Variants in ADGRL3 observed in about 807,000 individuals in gnomAD.
ADGRL3 encodes calcium-independent alpha-latrotoxin receptor 3.
ADGRL3 carries 62 observed loss-of-function variants against 153.5 expected under a neutral mutation model. The observed-to-expected ratio is 0.40, with a 90% confidence interval of 0.33 to 0.50. The LOEUF (loss-of-function observed/expected upper bound fraction) is 0.50, where lower values mean the gene tolerates loss of function less well. ADGRL3 is among the 20% of genes least tolerant of loss of function. The probability of loss-of-function intolerance (pLI) is 0.47; values close to 1 mark genes in which losing one functional copy is unlikely to be tolerated. For missense variants in ADGRL3, 1,641 were observed against 1,859.4 expected, an observed-to-expected ratio of 0.88 and a Z score of 2.16; for synonymous variants, 710 against 672.5, an observed-to-expected ratio of 1.06 and a Z score of -0.86.
At chr4:61,625,883 G>T (rs1212009124) in intron 5 of ADGRL3, among the ~76,000 whole-genome samples, 1 of 152,044 alleles carries the variant, frequency 6.6e-6, no homozygotes, top group Non-Finnish European at 1.5e-5. Context: ...GGTGAAAACT[G>T]CATTCATTAG....
chr4:61,607,777 C>T (rs1472869419), intron 5 of ADGRL3, among the ~76,000 whole-genome samples: 1 of 152,178 alleles, frequency 6.6e-6, no homozygotes, highest in Non-Finnish European at 1.5e-5. Flanking sequence ...TGTGACTTTT[C>T]ATCAGTTTTA....
chr4:61,301,730 A>AT (rs2094585170), intron 1 of ADGRL3, among the ~76,000 whole-genome samples: 1 of 152,124 alleles, frequency 6.6e-6, no homozygotes, highest in Admixed American at 6.5e-5. Flanking sequence ...GTAGAAAAAG[A>AT]TTTTTCTGGA....
intron 1 of ADGRL3, among the ~76,000 whole-genome samples, chr4:61,242,825 ATTAT>A (rs1181361495): frequency 6.6e-6 from 1 of 152,102 alleles, no homozygotes; most frequent in Admixed American, 6.6e-5. Context: ...CACAATAAAC[ATTAT>A]TTAATTTTAA....
chr4:62,032,956 T>C (rs1722941997), intron 23 of ADGRL3, among the ~76,000 whole-genome samples: 1 of 151,610 alleles, frequency 6.6e-6, no homozygotes, highest in Admixed American at 6.6e-5. Context: ...TGTTTTAAAA[T>C]AGATGAATCC....
chr4:61,913,658 G>T (rs189239500), intron 13 of ADGRL3, among the ~76,000 whole-genome samples: 1 of 152,234 alleles, frequency 6.6e-6, no homozygotes, highest in African/African-American at 2.4e-5. Flanking sequence ...CTTAAGTTAG[G>T]TTGATATAAA....
At chr4:61,620,529 TC>T (rs1321803574) in intron 5 of ADGRL3, among the ~76,000 whole-genome samples, 1 of 152,068 alleles carries the variant, frequency 6.6e-6, no homozygotes, top group African/African-American at 2.4e-5. Context: ...TACCAGTGTC[TC>T]TTTTATGCTT....
chr4:62,008,774 TA>T (rs1316997382), intron 21 of ADGRL3, among the ~76,000 whole-genome samples: 1 of 151,864 alleles, frequency 6.6e-6, no homozygotes, highest in Non-Finnish European at 1.5e-5. Flanking sequence ...TGCATATATA[TA>T]ATCAAAATAG....
At chr4:61,344,755 T>C (rs1391093686) in intron 1 of ADGRL3, among the ~76,000 whole-genome samples, 1 of 152,058 alleles carries the variant, frequency 6.6e-6, no homozygotes, top group Non-Finnish European at 1.5e-5. Context: ...TTTGCTTGTT[T>C]ACTGGATTCA....
At chr4:61,578,196 G>A (rs2098902164) in intron 4 of ADGRL3, among the ~76,000 whole-genome samples, 1 of 151,992 alleles carries the variant, frequency 6.6e-6, no homozygotes, top group African/African-American at 2.4e-5. Context: ...TGACACCCAA[G>A]GAGAGTTATT....
chr4:61,449,035 A>T (rs1360670107), intron 2 of ADGRL3, among the ~76,000 whole-genome samples: 1 of 152,182 alleles, frequency 6.6e-6, no homozygotes, highest in African/African-American at 2.4e-5. Context: ...GATATATTTT[A>T]TTTAGAGCAC....
intron 6 of ADGRL3, among the ~76,000 whole-genome samples, chr4:61,715,049 A>C (rs2096078303): frequency 6.6e-6 from 1 of 152,176 alleles, no homozygotes; most frequent in Admixed American, 6.5e-5. Context: ...CCATTCAGAG[A>C]TCTGATTTGG....
chr4:61,548,480 T>C (rs539647156), intron 4 of ADGRL3, among the ~76,000 whole-genome samples: 1 of 152,172 alleles, frequency 6.6e-6, no homozygotes, highest in African/African-American at 2.4e-5. Flanking sequence ...AAAGGTCCAA[T>C]GTCAGTCTTC....
intron 1 of ADGRL3, among the ~76,000 whole-genome samples, chr4:61,224,369 A>G (rs190441684): frequency 3.9e-4 from 60 of 152,332 alleles, no homozygotes; most frequent in Admixed American, 2.0e-3. Context: ...TATAATAGTG[A>G]CCAGAAACAT....
chr4:61,225,291 G>A (rs1747440153), intron 1 of ADGRL3, among the ~76,000 whole-genome samples: 2 of 152,136 alleles, frequency 1.3e-5, no homozygotes, highest in African/African-American at 2.4e-5. Context: ...TGGTACTGTG[G>A]GCTCACTGGT....
intron 13 of ADGRL3, among the ~76,000 whole-genome samples, chr4:61,932,896 G>C (rs1324692008): frequency 1.3e-5 from 2 of 151,906 alleles, no homozygotes; most frequent in Non-Finnish European, 2.9e-5. Context: ...TCCTGATTTA[G>C]TCTTGGAACA....
chr4:61,573,442 AT>A (rs1224004445), intron 4 of ADGRL3, among the ~76,000 whole-genome samples: 2 of 151,976 alleles, frequency 1.3e-5, no homozygotes, highest in Non-Finnish European at 2.9e-5. Flanking sequence ...CTAAATAGAC[AT>A]TTAATGCACA....
intron 9 of ADGRL3, among the ~76,000 whole-genome samples, chr4:61,841,919 C>T (rs1011879709): frequency 2.0e-5 from 3 of 152,088 alleles, no homozygotes; most frequent in Admixed American, 6.6e-5. Flanking sequence ...GATAAATGAC[C>T]GAAATTTGGC....
intron 9 of ADGRL3, among the ~76,000 whole-genome samples, chr4:61,814,804 C>A (rs888519042): frequency 6.6e-6 from 1 of 152,048 alleles, no homozygotes; most frequent in African/African-American, 2.4e-5. Flanking sequence ...ATTAAGTTTT[C>A]CCTGACTGTG....
At chr4:61,599,922 C>A (rs2099004128) in intron 5 of ADGRL3, among the ~76,000 whole-genome samples, 1 of 152,086 alleles carries the variant, frequency 6.6e-6, no homozygotes, top group South Asian at 2.1e-4. Flanking sequence ...ATTTGGAAAG[C>A]AAAATGACTG....
Sources: allele counts gnomAD v4.1 joint callset (sites outside exome capture counted in the v4.1 genomes callset), GRCh38; gene constraint gnomAD v4.1.1; transcripts MANE v1.5; gene names NCBI Gene and HGNC (gene_info 2026-07-23, HGNC 2026-07-21).